The following HECW1 variants were observed in gnomAD, a reference collection of about 807,000 sequenced individuals.
HECW1 encodes HECT, C2 and WW domain containing E3 ubiquitin protein ligase 1, also known as E3 ubiquitin-protein ligase HECW1.
HECW1 carries 61 observed loss-of-function variants against 182.3 expected under a neutral mutation model. The ratio of observed to expected loss-of-function variants is 0.33; its 90% confidence interval spans 0.27 to 0.41. The LOEUF (loss-of-function observed/expected upper bound fraction) is 0.41, where lower values mean the gene tolerates loss of function less well. Among genes scored for constraint, HECW1 ranks in the 10% least tolerant of loss-of-function variants. The pLI, the probability that HECW1 is intolerant of heterozygous loss-of-function variation, is 1.00. For synonymous variants in HECW1, 859 were observed against 832.6 expected, an observed-to-expected ratio of 1.03 and a Z score of -0.55; for missense variants, 1,739 against 2,108.9, an observed-to-expected ratio of 0.82 and a Z score of 3.44.
intron 18 of HECW1, among the ~76,000 whole-genome samples, chr7:43,492,658 T>G (rs1585077797): frequency 6.6e-6 from 1 of 152,322 alleles, no homozygotes; most frequent in Admixed American, 6.5e-5. Flanking sequence ...TAAATGGTAT[T>G]TCCATTATCA....
rs1195210573 is a variant in HECW1, at chr7:43,507,099, G to T, written c.3632-38G>T. The T allele has an allele frequency of 3.1e-6, 5 of 1,587,798 alleles. No individual in the cohort carries two copies. In the East Asian group the frequency reaches 1.1e-4, roughly 36 times the overall value. On this transcript the variant is annotated intron_variant, in intron 21 of 29. Coordinates refer to ENST00000395891, the MANE Select transcript of HECW1 (RefSeq NM_015052.5). ...AAGAAAAAAAGAAGAAGAAGAAGAA[G>T]AAAGAAAGTGATGACCTCTGTGTGC...
At position 43,550,356 on chromosome 7, in the gene HECW1, G is replaced by A. The variant is rs576909630; in HGVS notation, c.4249-89G>A. ...GAATAATGCCCTGTAGAGGATTTTT[G>A]GCATACGGTCATCCCCCTAAAATCA... On this transcript the variant is annotated intron_variant, in intron 26 of 29. Coordinates refer to ENST00000395891, the MANE Select transcript of HECW1 (RefSeq NM_015052.5). The A allele has an allele frequency of 2.5e-5, 35 of 1,416,800 alleles. No homozygotes were observed. The East Asian group carries it at 4.6e-4, about 19-fold the overall frequency. 87.8% of individuals were successfully genotyped at this position (1,416,800 alleles called of 1,614,324 possible).
chr7:43,479,693 T>C lies in HECW1; in HGVS notation c.3183T>C (p.His1061=), dbSNP rs2078350342. ...IPLQNGRLPN[H]LTHRQHLQRL... ...TTCAGAACGGTCGTCTTCCCAATCATCTAACTCACCGACAGCACCTCCAGA... is the reference window on the plus strand; with the variant it reads ...TTCAGAACGGTCGTCTTCCCAATCACCTAACTCACCGACAGCACCTCCAGA... The change falls in exon 17 of 30, where the codon CAT becomes CAC. Residue 1061 remains histidine, a synonymous_variant. Transcript: ENST00000395891. The C allele has an allele frequency of 6.2e-7, 1 of 1,613,914 alleles. No homozygotes were observed. Among genetic ancestry groups the C allele is most frequent in the Admixed American group, 1.7e-5 (1 of 59,972 alleles).
intron 2 of HECW1, among the ~76,000 whole-genome samples, chr7:43,185,378 T>C (rs1314870404): frequency 6.6e-6 from 1 of 151,762 alleles, no homozygotes; most frequent in African/African-American, 2.4e-5. Context: ...TCCAGCAAAT[T>C]AATCAAACTC....
chr7:43,133,246 A>G (rs927809016), intron 2 of HECW1, among the ~76,000 whole-genome samples: 1 of 151,824 alleles, frequency 6.6e-6, no homozygotes, highest in Non-Finnish European at 1.5e-5. Context: ...TGAAATATAT[A>G]CACATTTATA....
At chr7:43,528,839 A>G (rs764065950) in intron 24 of HECW1, among the ~76,000 whole-genome samples, 4 of 152,236 alleles carry the variant, frequency 2.6e-5, no homozygotes, top group African/African-American at 4.8e-5. Flanking sequence ...TTCATGGCAG[A>G]TGAAGAAAAC....
chr7:43,255,715 C>T (rs10272828), intron 3 of HECW1, among the ~76,000 whole-genome samples: 1 of 151,890 alleles, frequency 6.6e-6, no homozygotes, highest in Non-Finnish European at 1.5e-5. Context: ...CAGGAGATGA[C>T]ATGATGAGCC....
At chr7:43,169,667 A>G (rs539760178) in intron 2 of HECW1, among the ~76,000 whole-genome samples, 1 of 149,588 alleles carries the variant, frequency 6.7e-6, no homozygotes, top group Admixed American at 6.6e-5. Context: ...TGCTTTTCTT[A>G]TCTTTGTATC....
At chr7:43,261,201 T>A (rs1801132288) in intron 3 of HECW1, among the ~76,000 whole-genome samples, 1 of 152,182 alleles carries the variant, frequency 6.6e-6, no homozygotes, top group Non-Finnish European at 1.5e-5. Flanking sequence ...AGAGAAGTTA[T>A]GGCTAGTGAT....
intron 5 of HECW1, among the ~76,000 whole-genome samples, chr7:43,325,132 T>C (rs1810604419): frequency 6.6e-6 from 1 of 152,234 alleles, no homozygotes; most frequent in Non-Finnish European, 1.5e-5. Context: ...TCATTTCTTA[T>C]TCTCTGGCAT....
At chr7:43,378,138 G>A (rs933908968) in intron 6 of HECW1, among the ~76,000 whole-genome samples, 8 of 152,110 alleles carry the variant, frequency 5.3e-5, no homozygotes, top group Non-Finnish European at 8.8e-5. Flanking sequence ...TTGAAAAAAA[G>A]CTTGCTTGCT....
chr7:43,198,653 TCA>T (rs766459912), intron 2 of HECW1, among the ~76,000 whole-genome samples: 2 of 142,512 alleles, frequency 1.4e-5, no homozygotes, highest in African/African-American at 5.3e-5. Context: ...ACACTCTATC[TCA>T]CACACACCCC....
chr7:43,441,983 G>A (rs539282531), intron 9 of HECW1, among the ~76,000 whole-genome samples: 2 of 152,006 alleles, frequency 1.3e-5, no homozygotes, highest in African/African-American at 4.8e-5. Flanking sequence ...ACCATACATC[G>A]AATTTTGAAT....
intron 6 of HECW1, 37 bp from the exon 7 acceptor site, chr7:43,396,777 T>G (rs776309267): frequency 7.2e-7 from 1 of 1,379,486 alleles, no homozygotes; most frequent in Non-Finnish European, 1.0e-6. Context: ...ATTTCAGTGC[T>G]TGTTTTGTTT....
chr7:43,518,211 A>T (rs2080255198), intron 24 of HECW1, among the ~76,000 whole-genome samples: 1 of 152,072 alleles, frequency 6.6e-6, no homozygotes, highest in Admixed American at 6.6e-5. Context: ...AAAGAAAAGA[A>T]AGGCCGGGCA....
chr7:43,459,124 A>G (rs143205699), intron 13 of HECW1, among the ~76,000 whole-genome samples: 2 of 152,046 alleles, frequency 1.3e-5, no homozygotes, highest in East Asian at 3.9e-4. Context: ...CATCCTACAG[A>G]CCTGACTCAA....
rs187089739 is a variant in HECW1, at chr7:43,547,366, G to A, written c.4249-3079G>A. ...GATCGAGACCATCCTGGCCAACATA[G>A]TGAAACCCCATCTCTACTAAAAATA... On this transcript the variant is annotated intron_variant, in intron 26 of 29. Coordinates refer to ENST00000395891, the MANE Select transcript of HECW1 (RefSeq NM_015052.5). 3.3e-5 allele frequency among the ~76,000 whole-genome samples: 5 copies of A among 152,176 alleles called. No individual in the cohort carries two copies. The East Asian group carries it at 9.7e-4, about 30-fold the overall frequency.
intron 26 of HECW1, among the ~76,000 whole-genome samples, chr7:43,545,378 T>C (rs986817708): frequency 2.0e-5 from 3 of 152,168 alleles, no homozygotes; most frequent in African/African-American, 7.2e-5. Flanking sequence ...AATCCTCTAG[T>C]GTAAAGTGTA....
At chr7:43,494,332 T>G (rs902594732) in intron 19 of HECW1, among the ~76,000 whole-genome samples, 1 of 152,038 alleles carries the variant, frequency 6.6e-6, no homozygotes, top group African/African-American at 2.4e-5. Flanking sequence ...CTGCCATGGT[T>G]CAAGTTTAGG....
Sources: allele counts gnomAD v4.1 joint callset (sites outside exome capture counted in the v4.1 genomes callset), GRCh38; gene constraint gnomAD v4.1.1; transcripts MANE v1.5; gene names NCBI Gene and HGNC (gene_info 2026-07-23, HGNC 2026-07-21).